Variants in RBFOX2 observed in about 807,000 individuals in gnomAD.
RBFOX2 encodes RNA binding fox-1 homolog 2.
A neutral mutation model predicts 49.1 loss-of-function variants in RBFOX2; 10 were observed. That is an observed-to-expected ratio of 0.20 (90% CI 0.13 to 0.35). The LOEUF (loss-of-function observed/expected upper bound fraction) is 0.35, where lower values mean the gene tolerates loss of function less well. RBFOX2 is among the 10% of genes least tolerant of loss of function. The pLI, the probability that RBFOX2 is intolerant of heterozygous loss-of-function variation, is 1.00. For synonymous variants in RBFOX2, 183 were observed against 187.4 expected, an observed-to-expected ratio of 0.98 and a Z score of 0.19; for missense variants, 323 against 486.9, an observed-to-expected ratio of 0.66 and a Z score of 3.17.
intron 1 of RBFOX2, among the ~76,000 whole-genome samples, chr22:35,953,485 T>C (rs2055193011): frequency 6.6e-6 from 1 of 152,036 alleles, no homozygotes; most frequent in Non-Finnish European, 1.5e-5. Context: ...AGCAGATTGG[T>C]GGTTGCCAGC....
Position 35,812,144 on chromosome 22 carries a change from T to C in RBFOX2, c.28-2140A>G, listed in dbSNP as rs545318504. On this transcript the variant is annotated intron_variant, in intron 1 of 11. Coordinates refer to ENST00000405409, the Ensembl canonical transcript of RBFOX2. ...AGCATGGTGCCAAATGCCTTTAATCTCAGATATCTTGGAAGCTGAGGCAGG... is the reference window on the plus strand; with the variant it reads ...AGCATGGTGCCAAATGCCTTTAATCCCAGATATCTTGGAAGCTGAGGCAGG... Among the ~76,000 whole-genome samples, 18 of 151,732 alleles carry C rather than the reference T, an allele frequency of 1.2e-4. No individual in the cohort carries two copies. The South Asian group carries it at 2.5e-3, about 21-fold the overall frequency.
At chr22:35,873,889 C>A (rs989028064) in intron 1 of RBFOX2, among the ~76,000 whole-genome samples, 4 of 152,078 alleles carry the variant, frequency 2.6e-5, no homozygotes, top group African/African-American at 9.7e-5. Flanking sequence ...CCATATTACC[C>A]AGGTTGGTCT....
exon 12 of RBFOX2, chr22:35,741,073 G>T (rs1395287349): frequency 6.6e-6 from 1 of 152,182 alleles, no homozygotes; most frequent in East Asian, 1.9e-4. Context: ...GGTGATAGTA[G>T]GTTTTGTTAA....
At chr22:35,817,848 T>C (rs1953498260) in intron 1 of RBFOX2, among the ~76,000 whole-genome samples, 2 of 152,046 alleles carry the variant, frequency 1.3e-5, no homozygotes, top group Admixed American at 1.3e-4. Flanking sequence ...AATCCTTGCT[T>C]AGAATACCAA....
intron 4 of RBFOX2, among the ~76,000 whole-genome samples, chr22:35,775,841 CAAA>C (rs753116056): frequency 1.8e-5 from 1 of 56,172 alleles, no homozygotes; most frequent in African/African-American, 7.1e-5. Flanking sequence ...GAATCTGCCT[CAAA>C]AAAAAAAAAA....
rs35173539 is a variant in RBFOX2, at chr22:35,815,903, T to TA, written c.28-5900dup. 1.5e-3 allele frequency among the ~76,000 whole-genome samples: 225 copies of TA among 151,498 alleles called. 2 individuals carry two copies. The highest frequency in any genetic ancestry group is 4.8e-3 in the African/African-American group (198 of 41,354). On this transcript the variant is annotated intron_variant, in intron 1 of 11. Coordinates refer to ENST00000405409, the Ensembl canonical transcript of RBFOX2. ...ATTTCAAACTCTATTTGCCTTTGTT[T>TA]AAAAAAAAAGAGTACCTAGGCAAAG...
intron 4 of RBFOX2, 159 bp downstream of exon 5, chr22:35,777,866 G>A: frequency 1.4e-6 from 1 of 701,510 alleles, no homozygotes; most frequent in South Asian, 2.0e-5. Context: ...GTTTGGCCAT[G>A]TGGTAGCTTA....
intron 1 of RBFOX2, among the ~76,000 whole-genome samples, chr22:35,812,778 C>G (rs1019121899): frequency 6.6e-6 from 1 of 152,218 alleles, no homozygotes; most frequent in Non-Finnish European, 1.5e-5. Context: ...TCTGACACTG[C>G]TCCTTTCAGC....
intron 1 of RBFOX2, among the ~76,000 whole-genome samples, chr22:35,917,551 A>G (rs2050568869): frequency 6.6e-6 from 1 of 152,238 alleles, no homozygotes; most frequent in South Asian, 2.1e-4. Flanking sequence ...CTACAAGATG[A>G]CTGCTTGTTA....
At chr22:35,789,686 A>G (rs1258162074) in intron 2 of RBFOX2, among the ~76,000 whole-genome samples, 2 of 152,188 alleles carry the variant, frequency 1.3e-5, no homozygotes, top group African/African-American at 4.8e-5. Context: ...CCCCCAAACT[A>G]GCATTTCATT....
At chr22:35,854,483 A>G (rs2042293887) in intron 1 of RBFOX2, among the ~76,000 whole-genome samples, 1 of 151,970 alleles carries the variant, frequency 6.6e-6, no homozygotes, top group African/African-American at 2.4e-5. Context: ...ACTCCCACCT[A>G]CTTCGGAGGC....
intron 1 of RBFOX2, among the ~76,000 whole-genome samples, chr22:35,862,346 G>A (rs1034048882): frequency 6.8e-6 from 1 of 146,276 alleles, no homozygotes; most frequent in Non-Finnish European, 1.5e-5. Context: ...TTAATGCAAT[G>A]AATTTTTGAA....
chr22:36,028,281 G>A, exon 1 of RBFOX2: 2 of 1,534,152 alleles, frequency 1.3e-6, no homozygotes, highest in East Asian at 2.7e-5. Flanking sequence ...TCCTCAGTGC[G>A]CGGCCGCTTG....
intron 1 of RBFOX2, chr22:35,897,609 G>A (rs922398319): frequency 3.0e-5 from 39 of 1,301,766 alleles, no homozygotes; most frequent in African/African-American, 2.2e-4. Flanking sequence ...TTGGCCCAAC[G>A]AAAGCAAAGG....
chr22:35,812,063 C>A (rs1951979163), intron 1 of RBFOX2, among the ~76,000 whole-genome samples: 1 of 151,166 alleles, frequency 6.6e-6, no homozygotes, highest in Admixed American at 6.6e-5. Flanking sequence ...GAGTTCAATA[C>A]CAGCCTGGCC....
At chr22:35,910,872 AT>A (rs2049733169) in intron 1 of RBFOX2, among the ~76,000 whole-genome samples, 1 of 152,230 alleles carries the variant, frequency 6.6e-6, no homozygotes, top group African/African-American at 2.4e-5. Flanking sequence ...GTTCCTTAAA[AT>A]TAGTACATGC....
At chr22:35,836,107 G>A (rs79330410) in intron 1 of RBFOX2, among the ~76,000 whole-genome samples, 5,695 of 152,198 alleles carry the variant, frequency 0.037, 146 homozygotes, top group Middle Eastern at 0.048. Flanking sequence ...GATAAGGTTC[G>A]AGTGGCAAGG....
intron 1 of RBFOX2, among the ~76,000 whole-genome samples, chr22:35,812,096 A>G (rs574458346): frequency 2.6e-5 from 4 of 152,146 alleles, no homozygotes; most frequent in Non-Finnish European, 1.5e-5. Context: ...CTCCATCCCT[A>G]TTAAAAATAC....
intron 1 of RBFOX2, among the ~76,000 whole-genome samples, chr22:35,877,782 G>A (rs192062544): frequency 3.3e-5 from 5 of 151,956 alleles, no homozygotes; most frequent in Admixed American, 1.3e-4. Flanking sequence ...TGGTCCCTGC[G>A]ATGTGAGAGA....
Sources: allele counts gnomAD v4.1 joint callset (sites outside exome capture counted in the v4.1 genomes callset), GRCh38; gene constraint gnomAD v4.1.1; transcripts MANE v1.5; gene names NCBI Gene and HGNC (gene_info 2026-07-23, HGNC 2026-07-21).